The following NCOR2 variants were observed in gnomAD, a reference collection of about 807,000 sequenced individuals.
The protein encoded by NCOR2 is CTG repeat protein 26.
Under a neutral mutation model 262.9 loss-of-function variants are expected in NCOR2, and 81 were observed. That is an observed-to-expected ratio of 0.31 (90% CI 0.26 to 0.37). The LOEUF (loss-of-function observed/expected upper bound fraction) is 0.37. Ranked by LOEUF, NCOR2 falls within the 10% of genes least tolerant of loss-of-function variation. NCOR2 has a pLI of 1.00. For synonymous variants in NCOR2, 1,659 were observed against 1,559.3 expected (o/e 1.06, Z -1.51); for missense variants, 3,385 against 3,621.4 (o/e 0.93, Z 1.68).
chr12:124,386,060 G>A (rs367932286), intron 16 of NCOR2, among the ~76,000 whole-genome samples, 173 bp from the exon 19 acceptor site: 188 of 152,274 alleles, frequency 1.2e-3, no homozygotes, highest in Non-Finnish European at 1.9e-3. Flanking sequence ...GTCCCCTAGC[G>A]GGGAAGGTAC....
chr12:124,367,319 T>A (rs1487506394), intron 20 of NCOR2, among the ~76,000 whole-genome samples: 1 of 152,070 alleles, frequency 6.6e-6, no homozygotes, highest in Non-Finnish European at 1.5e-5. Context: ...CCAGAGCAAG[T>A]GGGGACTGTG....
In NCOR2 at chr12:124,443,133, G is replaced by A. The variant is rs1033594647; in HGVS notation, c.816-5137C>T. ...TGCCATTTTCAGCTGCCCGGTTCACGGCCGAGTGTTAAGGCAGCGCTGAGA... is the reference window on the plus strand; with the variant it reads ...TGCCATTTTCAGCTGCCCGGTTCACAGCCGAGTGTTAAGGCAGCGCTGAGA... On this transcript the variant is annotated intron_variant, in intron 7 of 46. Coordinates refer to ENST00000405201, the Ensembl canonical transcript of NCOR2. The surrounding 1 kb of genome is among the most constrained non-coding windows in gnomAD (Gnocchi z 4.4). Among the ~76,000 whole-genome samples, 9 of 152,236 alleles carry A rather than the reference G, an allele frequency of 5.9e-5. No individual in the cohort carries two copies. Among genetic ancestry groups the A allele is most frequent in the Admixed American group, 2.6e-4 (4 of 15,284 alleles).
chr12:124,396,740 C>T (rs1026570875), intron 16 of NCOR2, among the ~76,000 whole-genome samples: 1 of 151,936 alleles, frequency 6.6e-6, no homozygotes, highest in Non-Finnish European at 1.5e-5. Flanking sequence ...GGGGTGAGGG[C>T]GGGGGCTGTG....
At chr12:124,398,540 C>T (rs1009231719) in intron 15 of NCOR2, among the ~76,000 whole-genome samples, 1 of 152,208 alleles carries the variant, frequency 6.6e-6, no homozygotes, top group African/African-American at 2.4e-5. Context: ...CCTCTGCCTG[C>T]ACTCTGTTGG....
chr12:124,350,051 A>G (rs1055053547), intron 28 of NCOR2, among the ~76,000 whole-genome samples: 9 of 152,176 alleles, frequency 5.9e-5, no homozygotes, highest in Non-Finnish European at 1.2e-4. Flanking sequence ...GGCGCCCATT[A>G]GCAGCTTTCA....
chr12:124,448,554 T>A (rs992446545), intron 7 of NCOR2, among the ~76,000 whole-genome samples: 1 of 152,126 alleles, frequency 6.6e-6, no homozygotes, highest in African/African-American at 2.4e-5. Flanking sequence ...CCAGCCACGC[T>A]GGTGAAGTAT....
At chr12:124,333,920 A>ATGTGTG in intron 41 of NCOR2, among the ~76,000 whole-genome samples, 1 of 77,722 alleles carries the variant, frequency 1.3e-5, no homozygotes, top group Non-Finnish European at 2.9e-5. Context: ...GCGGGTGTGC[A>ATGTGTG]TGTGTGTGCG....
rs2044041112 is a variant in NCOR2, at chr12:124,432,770, C to G, written c.883-1983G>C. Reference sequence around the variant, plus strand: ...CCACATCTAACCACAGTGCTGCCTGCTGCATGTCCTTTGAGAAGAGATCCC... The same window carrying G: ...CCACATCTAACCACAGTGCTGCCTGGTGCATGTCCTTTGAGAAGAGATCCC... On this transcript the variant is annotated intron_variant, in intron 8 of 46. Transcript: ENST00000405201. This position sits in a 1 kb window ranked among gnomAD's most constrained non-coding sequence, Gnocchi z 5.1. Among the ~76,000 whole-genome samples, 1 of 151,528 alleles carries G rather than the reference C, an allele frequency of 6.6e-6. No individual in the cohort carries two copies.
At chr12:124,430,584 G>T (rs759144562) in intron 9 of NCOR2, 31 bp downstream of exon 11, 82 of 1,581,634 alleles carry the variant, frequency 5.2e-5, no homozygotes, top group Non-Finnish European at 6.1e-5. Flanking sequence ...GGGCCCTGAC[G>T]TCGGGGGCCC....
In NCOR2 at chr12:124,443,006, C is replaced by T. The variant is rs576715276; in HGVS notation, c.816-5010G>A. On this transcript the variant is annotated intron_variant, in intron 7 of 46. Transcript: ENST00000405201. The surrounding 1 kb of genome is among the most constrained non-coding windows in gnomAD (Gnocchi z 4.4). ...GCCGGCAGCCGCCAGGAGCTGGAAC[C>T]GGCAAGGAAGCAGCCTCCCCCAGAG... is the stretch of plus-strand genomic sequence containing the variant. Among the ~76,000 whole-genome samples the T allele has an allele frequency of 6.6e-6, 1 of 152,340 alleles. No individual in the cohort carries two copies. Among genetic ancestry groups the T allele is most frequent in the African/African-American group, 2.4e-5 (1 of 41,582 alleles).
rs60593594 is a variant in NCOR2 at position 124,476,902 on chromosome 12, TAAAAA to T, written c.412-3776_412-3772del. 7.9e-4 allele frequency among the ~76,000 whole-genome samples: 113 copies of T among 142,478 alleles called. 1 individual carries two copies. In the South Asian group the frequency reaches 9.9e-3, roughly 12 times the overall value. 93.5% of individuals were successfully genotyped at this position (142,478 alleles called of 152,430 possible). The stretch of plus-strand genomic sequence containing the variant: ...CAACATAGCAAGACCCCATCTTTAT[TAAAAA>T]AAAAAAAAAAAAAGGAATGAAGCAC... On this transcript the variant is annotated intron_variant, in intron 3 of 46. Transcript: ENST00000405201.
chr12:124,455,415 G>A (rs779537532), intron 6 of NCOR2, among the ~76,000 whole-genome samples: 5 of 152,200 alleles, frequency 3.3e-5, no homozygotes, highest in Admixed American at 6.5e-5. Context: ...CTGAAGGGGT[G>A]GGGGAGCCCA....
At chr12:124,437,122 AATGAAATGT>A (rs1256673322) in intron 8 of NCOR2, among the ~76,000 whole-genome samples, 8 of 151,488 alleles carry the variant, frequency 5.3e-5, no homozygotes, top group African/African-American at 1.9e-4. Flanking sequence ...AATAAAATGA[AATGAAATGT>A]AATGAAATGA....
chr12:124,476,603 T>TA (rs1565978632), intron 3 of NCOR2, among the ~76,000 whole-genome samples: 1 of 152,026 alleles, frequency 6.6e-6, no homozygotes, highest in Non-Finnish European at 1.5e-5. Flanking sequence ...GCACCAGGAG[T>TA]AAAAGCAGCG....
Position 124,362,148 on chromosome 12 carries a change from C to T in NCOR2, c.3078G>A (p.Pro1026=), listed in dbSNP as rs35024414. The T allele has an allele frequency of 1.7e-3, 2,216 of 1,302,912 alleles. 3 individuals are homozygous for T. Among genetic ancestry groups the T allele is most frequent in the Non-Finnish European group, 1.9e-3 (1,964 of 1,025,806 alleles). The allele number at this position is 1,302,912 out of a possible 1,614,324, so 80.7% of individuals were successfully genotyped here. ...CACCCTCCTTGTCGGCGGGGGGTGCCGGGCTCCTGCTCTTGCCCCGGGGGC... is the reference window on the plus strand; with the variant it reads ...CACCCTCCTTGTCGGCGGGGGGTGCTGGGCTCCTGCTCTTGCCCCGGGGGC... The change falls in exon 22 of 47, where the codon CCG becomes CCA. Residue 1026 remains proline (P), a synonymous_variant. Transcript: ENST00000405201.
chr12:124,373,492 CAGT>C (rs2039698633), intron 19 of NCOR2, among the ~76,000 whole-genome samples: 1 of 98,034 alleles, frequency 1.0e-5, no homozygotes, highest in Non-Finnish European at 2.0e-5. Flanking sequence ...GCACAGTGGA[CAGT>C]GAGGCCAGTG....
intron 1 of NCOR2, among the ~76,000 whole-genome samples, chr12:124,554,756 G>A (rs1403478252): frequency 6.6e-6 from 1 of 152,262 alleles, no homozygotes; most frequent in African/African-American, 2.4e-5. Context: ...AGGGGGCAGC[G>A]CCCAGGGCCC....
intron 37 of NCOR2, among the ~76,000 whole-genome samples, chr12:124,338,307 A>G (rs563882771): frequency 5.9e-4 from 90 of 152,256 alleles, no homozygotes; most frequent in African/African-American, 2.0e-3. Flanking sequence ...CAGAAGTTTG[A>G]GACCAGCCTG....
intron 42 of NCOR2, 140 bp from the exon 45 acceptor site, chr12:124,332,607 G>T: frequency 9.1e-7 from 1 of 1,104,302 alleles, no homozygotes; most frequent in Non-Finnish European, 1.3e-6. Context: ...CCCCTGCCTG[G>T]TAGAAGATCA....
Sources: gnomAD v4.1 joint callset for allele counts (sites outside exome capture counted in the v4.1 genomes callset) on GRCh38, gnomAD v4.1.1 for gene constraint, Gnocchi (gnomAD v3.1) non-coding constraint, MANE v1.5 for transcripts, NCBI Gene and HGNC (gene_info 2026-07-23, HGNC 2026-07-21) for gene names.